The following RAPGEF4 variants were observed in gnomAD, a reference collection of about 807,000 sequenced individuals.
RAPGEF4 encodes the protein RAP guanine-nucleotide-exchange factor (GEF) 4.
A neutral mutation model predicts 147.9 loss-of-function variants in RAPGEF4; 66 were observed. The ratio of observed to expected loss-of-function variants is 0.45; its 90% CI spans 0.37 to 0.55. The LOEUF (loss-of-function observed/expected upper bound fraction) is 0.55. Ranked by LOEUF, RAPGEF4 falls within the 20% of genes least tolerant of loss-of-function variation. The probability of loss-of-function intolerance (pLI) is 0.00; values close to 1 mark genes in which losing one functional copy is unlikely to be tolerated. For missense variants in RAPGEF4, 1,071 were observed against 1,257.3 expected, an observed-to-expected ratio of 0.85 and a Z score of 2.24; for synonymous variants, 419 against 442.7, an observed-to-expected ratio of 0.95 and a Z score of 0.67.
chr2:172,746,246 CTTTA>C (rs538712731), intron 1 of RAPGEF4, among the ~76,000 whole-genome samples: 57 of 152,266 alleles, frequency 3.7e-4, no homozygotes, highest in African/African-American at 1.3e-3. Context: ...ATCATTTGAC[CTTTA>C]TATTCCATTG....
intron 4 of RAPGEF4, among the ~76,000 whole-genome samples, chr2:172,896,682 G>T (rs1187705707): frequency 6.6e-6 from 1 of 151,002 alleles, no homozygotes; most frequent in Admixed American, 6.6e-5. Context: ...ATTTAAATTA[G>T]AAGGGCACAT....
At chr2:172,797,845 C>T (rs1431645969) in intron 3 of RAPGEF4, among the ~76,000 whole-genome samples, 1 of 152,164 alleles carries the variant, frequency 6.6e-6, no homozygotes, top group Non-Finnish European at 1.5e-5. Context: ...TGCAAGAACA[C>T]ATTGGGGCTG....
chr2:172,814,832 C>T (rs1688350302), intron 4 of RAPGEF4: 1 of 253,538 alleles, frequency 3.9e-6, no homozygotes, highest in Non-Finnish European at 7.8e-6. Flanking sequence ...ACATCTGCTT[C>T]ATTTAAGTGC....
chr2:173,020,115 A>G (rs1695924833), intron 22 of RAPGEF4, among the ~76,000 whole-genome samples: 1 of 152,202 alleles, frequency 6.6e-6, no homozygotes, highest in South Asian at 2.1e-4. Flanking sequence ...TCTCATCTGA[A>G]GAACTAATTT....
chr2:172,791,190 C>A (rs1202071847), intron 1 of RAPGEF4, among the ~76,000 whole-genome samples: 1 of 152,164 alleles, frequency 6.6e-6, no homozygotes, highest in East Asian at 1.9e-4. Context: ...AAATTTCTGA[C>A]CCATGAGTTT....
At chr2:172,973,112 T>C (rs1303976639) in intron 10 of RAPGEF4, among the ~76,000 whole-genome samples, 1 of 150,436 alleles carries the variant, frequency 6.6e-6, no homozygotes, top group African/African-American at 2.4e-5. Context: ...TTTTTCTTTT[T>C]TTTTTTTTTT....
At chr2:172,996,407 G>T in intron 15 of RAPGEF4, 59 bp from the exon 16 acceptor site, 10 of 967,422 alleles carry the variant, frequency 1.0e-5, no homozygotes, top group Non-Finnish European at 1.5e-5. Context: ...ATAAGTAAAA[G>T]TTTTTTTAAT....
chr2:172,755,687 C>T (rs529010238), intron 1 of RAPGEF4, among the ~76,000 whole-genome samples: 7 of 152,302 alleles, frequency 4.6e-5, no homozygotes, highest in East Asian at 3.9e-4. Flanking sequence ...TGAGCTACTG[C>T]GCCTGGCCTA....
chr2:173,040,095 G>A (rs1684570326), intron 29 of RAPGEF4, among the ~76,000 whole-genome samples: 1 of 151,930 alleles, frequency 6.6e-6, no homozygotes, highest in South Asian at 2.1e-4. Context: ...GGCTGAGGTA[G>A]GAGAATCGCT....
intron 1 of RAPGEF4, among the ~76,000 whole-genome samples, chr2:172,782,999 G>A (rs1306686519): frequency 6.6e-6 from 1 of 152,212 alleles, no homozygotes; most frequent in Non-Finnish European, 1.5e-5. Flanking sequence ...GGACAAGGCT[G>A]TACTTCGATT....
intron 6 of RAPGEF4, among the ~76,000 whole-genome samples, chr2:172,933,509 C>G (rs1686204280): frequency 6.6e-6 from 1 of 152,030 alleles, no homozygotes; most frequent in African/African-American, 2.4e-5. Flanking sequence ...TGCACCGTAC[C>G]TGGGTGCAGT....
At chr2:172,769,279 CA>C (rs1389044005) in intron 1 of RAPGEF4, among the ~76,000 whole-genome samples, 2 of 152,042 alleles carry the variant, frequency 1.3e-5, no homozygotes, top group Non-Finnish European at 2.9e-5. Context: ...GTATGAAACT[CA>C]AAGGAAGGCC....
At chr2:172,919,880 G>A (rs1203133095) in intron 5 of RAPGEF4, among the ~76,000 whole-genome samples, 2 of 151,778 alleles carry the variant, frequency 1.3e-5, no homozygotes, top group Non-Finnish European at 2.9e-5. Flanking sequence ...CCTTTCTCTC[G>A]CCATCACCCC....
intron 3 of RAPGEF4, among the ~76,000 whole-genome samples, chr2:172,804,841 T>A (rs552006102): frequency 2.6e-5 from 4 of 152,252 alleles, no homozygotes; most frequent in Admixed American, 2.0e-4. Context: ...TTTCGATGAG[T>A]GCTGATGTAC....
intron 6 of RAPGEF4, among the ~76,000 whole-genome samples, chr2:172,940,061 G>A (rs958191926): frequency 1.3e-5 from 2 of 151,770 alleles, no homozygotes; most frequent in Non-Finnish European, 2.9e-5. Context: ...CTAGTTTTTG[G>A]TAACTATGAC....
chr2:172,812,420 T>A (rs1688111900), intron 3 of RAPGEF4, among the ~76,000 whole-genome samples: 1 of 152,194 alleles, frequency 6.6e-6, no homozygotes, highest in South Asian at 2.1e-4. Flanking sequence ...ATGAGTCAGG[T>A]TGAAATCTCC....
intron 6 of RAPGEF4, among the ~76,000 whole-genome samples, chr2:172,927,035 C>G (rs1465449707): frequency 6.6e-6 from 1 of 152,150 alleles, no homozygotes; most frequent in Non-Finnish European, 1.5e-5. Flanking sequence ...AATGACCCAG[C>G]CTGGAGATCA....
rs781464147 is a variant in RAPGEF4 at position 172,985,456 on chromosome 2, T to A, written c.1113T>A (p.Val371=). ...AGGTGAAACGAGAGTTAGCAGGTGT[T>A]CTCATTTTTGAGTCTCACGCCAAAG... ...STTVKRELAG[V]LIFESHAKGG... is the part of the protein sequence containing the mutation. The change falls in exon 12 of 31, where the codon GTT becomes GTA. Residue 371 remains valine (V), a synonymous_variant. Transcript: ENST00000397081. 4 of 1,613,884 alleles carry A rather than the reference T, an allele frequency of 2.5e-6. No individual in the cohort carries two copies. Among genetic ancestry groups the A allele is most frequent in the Non-Finnish European group, 3.4e-6 (4 of 1,179,976 alleles).
chr2:172,979,638 A>G (rs1241740940), intron 10 of RAPGEF4, among the ~76,000 whole-genome samples: 1 of 152,208 alleles, frequency 6.6e-6, no homozygotes, highest in African/African-American at 2.4e-5. Flanking sequence ...AACAGTCTAG[A>G]TTTATGGATA....
Sources: allele counts gnomAD v4.1 joint callset (sites outside exome capture counted in the v4.1 genomes callset), GRCh38; gene constraint gnomAD v4.1.1; transcripts MANE v1.5; gene names NCBI Gene and HGNC (gene_info 2026-07-23, HGNC 2026-07-21).